RYR3: variants seen among roughly 807,000 people sequenced by gnomAD.
RYR3 encodes the protein brain ryanodine receptor-calcium release channel.
Under a neutral mutation model 584.3 loss-of-function variants are expected in RYR3, and 207 were observed. The observed-to-expected ratio is 0.35, with a 90% CI of 0.32 to 0.40. RYR3 has a LOEUF of 0.40. Among genes scored for constraint, RYR3 ranks in the 10% least tolerant of loss-of-function variants. The pLI, the probability that RYR3 is intolerant of heterozygous loss-of-function variation, is 1.00. For missense variants in RYR3, 5,616 were observed against 6,089.2 expected (o/e 0.92, Z 2.59); for synonymous variants, 2,416 against 2,248.5 (o/e 1.07, Z -2.11).
chr15:33,439,184 A>AC (rs2045999217), intron 1 of RYR3, among the ~76,000 whole-genome samples: 1 of 152,164 alleles, frequency 6.6e-6, no homozygotes, highest in Admixed American at 6.6e-5. Flanking sequence ...TGATCTTGGA[A>AC]CTAGCCATCT....
At chr15:33,417,440 T>C (rs1177751588) in intron 1 of RYR3, among the ~76,000 whole-genome samples, 1 of 152,158 alleles carries the variant, frequency 6.6e-6, no homozygotes, top group Non-Finnish European at 1.5e-5. Context: ...TTTTATGTTT[T>C]TGTGGCCATC....
intron 1 of RYR3, among the ~76,000 whole-genome samples, chr15:33,409,034 C>T (rs1256736473): frequency 4.6e-5 from 7 of 152,072 alleles, no homozygotes; most frequent in Non-Finnish European, 7.3e-5. Flanking sequence ...TCCTAAATAC[C>T]GCTTTCTCAT....
At chr15:33,813,258 A>T (rs930839380) in intron 73 of RYR3, among the ~76,000 whole-genome samples, 9 of 152,212 alleles carry the variant, frequency 5.9e-5, no homozygotes, top group African/African-American at 2.2e-4. Flanking sequence ...TTAAGCTGCT[A>T]TTAGGGAATA....
chr15:33,778,490 T>G (rs2074167719), intron 64 of RYR3, among the ~76,000 whole-genome samples: 1 of 152,154 alleles, frequency 6.6e-6, no homozygotes, highest in East Asian at 1.9e-4. Context: ...GCAACTCAGG[T>G]CTGAAGTTAA....
chr15:33,706,905 A>T lies in RYR3; in HGVS notation c.6484-14A>T. On this transcript the variant is annotated splice_polypyrimidine_tract_variant and intron_variant, in intron 42 of 103. Transcript: ENST00000634891. ...AATGCGTGCGAAAGAACACTTTTGT[A>T]CTGTTTCTGGCAGGTGGTGACCTAC... 1 of 1,588,560 alleles carries T rather than the reference A, an allele frequency of 6.3e-7. No individual in the cohort carries two copies. Among genetic ancestry groups the T allele is most frequent in the Non-Finnish European group, 8.6e-7 (1 of 1,166,546 alleles).
At chr15:33,548,004 A>C in intron 8 of RYR3, 126 bp from the exon 9 acceptor site, 1 of 676,396 alleles carries the variant, frequency 1.5e-6, no homozygotes, top group Non-Finnish European at 2.6e-6. Flanking sequence ...CTGGCTTTGC[A>C]TTCTGCTGAC....
chr15:33,826,818 T>A (rs1272206530), intron 84 of RYR3, 66 bp downstream of exon 84: 4 of 1,151,328 alleles, frequency 3.5e-6, no homozygotes, highest in Non-Finnish European at 5.1e-6. Flanking sequence ...TTCCGTTCAG[T>A]ATGCCCCATT....
At position 33,336,445 on chromosome 15, in the gene RYR3, AGAG is replaced by A. The variant is rs1971011409; in HGVS notation, c.51+25350_51+25352del. Among the ~76,000 whole-genome samples the A allele has an allele frequency of 8.2e-4, 8 of 9,706 alleles. 4 individuals are homozygous for A. Among genetic ancestry groups the A allele is most frequent in the African/African-American group, 6.8e-3 (8 of 1,176 alleles). 6.4% of individuals were successfully genotyped at this position (9,706 alleles called of 152,430 possible). On this transcript the variant is annotated intron_variant, in intron 1 of 103. Coordinates refer to ENST00000634891, the MANE Select transcript of RYR3 (RefSeq NM_001036.6). ...AAGAAAGAAAGAAAGAAAGAAAGAG[AGAG>A]AGAGAGAGAGAGAGAGAGAGAGAGA...
chr15:33,420,556 C>T (rs1368015301), intron 1 of RYR3, among the ~76,000 whole-genome samples: 1 of 152,078 alleles, frequency 6.6e-6, no homozygotes, highest in Admixed American at 6.6e-5. Context: ...GAAATCTATC[C>T]TTATTTTGCA....
chr15:33,854,247 G>A, intron 96 of RYR3, 142 bp from the exon 97 acceptor site: 2 of 659,008 alleles, frequency 3.0e-6, no homozygotes, highest in Non-Finnish European at 5.3e-6. Flanking sequence ...CTTGTCTCAT[G>A]GGGAGCACAT....
chr15:33,592,951 C>T (rs564217496), intron 16 of RYR3, among the ~76,000 whole-genome samples: 22 of 152,234 alleles, frequency 1.4e-4, no homozygotes, highest in African/African-American at 3.4e-4. Flanking sequence ...AGACGTGGGA[C>T]ATCAATCAGT....
In RYR3 at chr15:33,826,716, A is replaced by G. The variant is rs1356550489; in HGVS notation, c.11209A>G (p.Arg3737Gly). 1 of 1,613,632 alleles carries G rather than the reference A, an allele frequency of 6.2e-7. No homozygotes were observed. The highest frequency in any genetic ancestry group is 8.5e-7 in the Non-Finnish European group (1 of 1,179,772). ...QNDEFTRDLF[R>G]FLQLLCEGHN... ...TGACGAGTTCACGCGTGATCTCTTT[A>G]GATTCCTACAGTTACTTTGTGAGGG... The change falls in exon 84 of 104, where the codon AGA becomes GGA. Residue 3737 changes from arginine (R) to glycine (G), a missense_variant. Transcript: ENST00000634891.
chr15:33,391,316 T>A (rs113142242), intron 1 of RYR3, among the ~76,000 whole-genome samples: 3,155 of 152,294 alleles, frequency 0.021, 108 homozygotes, highest in African/African-American at 0.072. Flanking sequence ...TGCATGTTTT[T>A]AAATGGAGTT....
rs550914731 is a variant in RYR3, at chr15:33,683,735, G to A, written c.5861-12483G>A. Among the ~76,000 whole-genome samples the A allele has an allele frequency of 5.9e-5, 9 of 152,372 alleles. 1 individual carries two copies. The South Asian group carries it at 1.7e-3, about 28-fold the overall frequency. On this transcript the variant is annotated intron_variant, in intron 38 of 103. Transcript: ENST00000634891. ...GGGGGATTTCCCTTTCCTAGCCACG[G>A]GAAGCCGTGACAGACTGTACCTGGA...
Position 33,679,723 on chromosome 15 carries a change from TA to T in RYR3, c.5860+9168del, listed in dbSNP as rs1188081376. On this transcript the variant is annotated intron_variant, in intron 38 of 103. Coordinates refer to ENST00000634891, the MANE Select transcript of RYR3 (RefSeq NM_001036.6). ...AGTACTCTTGTTCCCATACCACACT[TA>T]CATTCATTTTCTTCAACATAAATTT... Among the ~76,000 whole-genome samples the T allele has an allele frequency of 3.9e-5, 6 of 152,148 alleles. No individual in the cohort carries two copies. The South Asian group carries it at 6.2e-4, about 16-fold the overall frequency.
chr15:33,443,781 G>A lies in RYR3; in HGVS notation c.52-29638G>A, dbSNP rs113612502. ...CCTCTGCCACATGCCCAGGAAGTGG[G>A]AAGCTCTTTATCACATTTTCCTTAT... On this transcript the variant is annotated intron_variant, in intron 1 of 103. Coordinates refer to ENST00000634891, the MANE Select transcript of RYR3 (RefSeq NM_001036.6). Among the ~76,000 whole-genome samples, 241 of 152,298 alleles carry A rather than the reference G, an allele frequency of 1.6e-3. 1 individual carries two copies. Among genetic ancestry groups the A allele is most frequent in the African/African-American group, 5.4e-3 (226 of 41,568 alleles).
chr15:33,712,217 A>G (rs1340808917), intron 43 of RYR3, among the ~76,000 whole-genome samples: 1 of 152,222 alleles, frequency 6.6e-6, no homozygotes, highest in Non-Finnish European at 1.5e-5. Context: ...GCCTCAAGCC[A>G]TGAGGGATCT....
intron 85 of RYR3, 37 bp downstream of exon 85, chr15:33,827,324 C>CTTTT (rs1339193784): frequency 6.6e-7 from 1 of 1,524,668 alleles, no homozygotes; most frequent in Non-Finnish European, 8.9e-7. Context: ...GACCTCTCAC[C>CTTTT]TTTGCTTCCA....
intron 1 of RYR3, among the ~76,000 whole-genome samples, chr15:33,377,707 C>T (rs921101739): frequency 6.6e-6 from 1 of 152,236 alleles, no homozygotes; most frequent in African/African-American, 2.4e-5. Flanking sequence ...ATCTCAGATT[C>T]CTCACCTGGA....
Sources: allele counts gnomAD v4.1 joint callset (sites outside exome capture counted in the v4.1 genomes callset), GRCh38; gene constraint gnomAD v4.1.1; transcripts MANE v1.5; gene names NCBI Gene and HGNC (gene_info 2026-07-23, HGNC 2026-07-21).